The following ATP8A2 variants were observed in gnomAD, a reference collection of about 807,000 sequenced individuals.
ATP8A2 encodes the protein phospholipid-transporting ATPase IB.
Under a neutral mutation model 165.6 loss-of-function variants are expected in ATP8A2, and 100 were observed. That is an observed-to-expected ratio of 0.60 (90% CI 0.51 to 0.71). The LOEUF (loss-of-function observed/expected upper bound fraction) is 0.71, where lower values mean the gene tolerates loss of function less well. ATP8A2 is among the 30% of genes least tolerant of loss of function. The pLI is 0.00. For synonymous variants in ATP8A2, 543 were observed against 548.8 expected (o/e 0.99, Z 0.15); for missense variants, 1,227 against 1,479.5 (o/e 0.83, Z 2.80).
intron 24 of ATP8A2, among the ~76,000 whole-genome samples, chr13:25,638,909 T>C (rs1229456875): frequency 1.3e-5 from 2 of 152,168 alleles, no homozygotes; most frequent in African/African-American, 4.8e-5. Flanking sequence ...GCGGATCTCT[T>C]GGCAGAAACT....
Position 25,543,406 on chromosome 13 carries a change from A to G in ATP8A2, c.891+4A>G. On this transcript the variant is annotated splice_donor_region_variant and intron_variant, in intron 10 of 36. Transcript: ENST00000381655. Reference sequence around the variant, plus strand: ...ACACGACACCAAACTCATGCAGGTAAAACATTTCTATGCTGATTTCAGTCT... The same window carrying G: ...ACACGACACCAAACTCATGCAGGTAGAACATTTCTATGCTGATTTCAGTCT... 6.5e-7 allele frequency: 1 copy of G among 1,548,934 alleles called. No homozygotes were observed. Among genetic ancestry groups the G allele is most frequent in the Non-Finnish European group, 8.9e-7 (1 of 1,123,324 alleles).
intron 1 of ATP8A2, among the ~76,000 whole-genome samples, chr13:25,396,576 G>A (rs1188703785): frequency 6.6e-6 from 1 of 152,076 alleles, no homozygotes; most frequent in Non-Finnish European, 1.5e-5. Context: ...TTACCTCTAG[G>A]AACATGGCCT....
At chr13:25,656,854 A>G (rs1849335653) in intron 24 of ATP8A2, among the ~76,000 whole-genome samples, 1 of 151,638 alleles carries the variant, frequency 6.6e-6, no homozygotes, top group Non-Finnish European at 1.5e-5. Flanking sequence ...GGAGTTCAAA[A>G]CTAGCCTGGG....
At chr13:25,559,635 A>T in intron 14 of ATP8A2, 86 bp from the exon 15 acceptor site, 1 of 997,246 alleles carries the variant, frequency 1.0e-6, no homozygotes, top group Non-Finnish European at 1.6e-6. Flanking sequence ...TTGTATATCT[A>T]ATCTAAGAAT....
At position 25,408,186 on chromosome 13, in the gene ATP8A2, A is replaced by G. The variant is rs1298161990; in HGVS notation, c.76+35898A>G. ...AAGGCAGGCAGATGACGAGGTCAGG[A>G]GACCAAGACAATCCTGGCCAACGTG... On this transcript the variant is annotated intron_variant, in intron 1 of 36. Coordinates refer to ENST00000381655, the MANE Select transcript of ATP8A2 (RefSeq NM_016529.6). Among the ~76,000 whole-genome samples the G allele has an allele frequency of 5.9e-5, 9 of 152,136 alleles. No individual in the cohort carries two copies. The East Asian group carries it at 1.7e-3, about 29-fold the overall frequency.
At chr13:25,741,929 A>G (rs954047523) in intron 25 of ATP8A2, among the ~76,000 whole-genome samples, 4 of 152,186 alleles carry the variant, frequency 2.6e-5, no homozygotes, top group African/African-American at 9.6e-5. Context: ...TTCGTTGTAG[A>G]GTTTCAGGAG....
In ATP8A2 at chr13:25,465,667, C is replaced by CTTTCTTTCTT. The variant is rs1566152931; in HGVS notation, c.77-3308_77-3299dup. Among the ~76,000 whole-genome samples, 23 of 5,612 alleles carry CTTTCTTTCTT rather than the reference C, an allele frequency of 4.1e-3. 3 individuals carry two copies. The highest frequency in any genetic ancestry group is 0.011 in the African/African-American group (22 of 2,068). The allele number at this position is 5,612 out of a possible 152,430, so 3.7% of individuals were successfully genotyped here. A position where few individuals can be genotyped will look rare whatever the true frequency, so the allele number is the denominator to read the frequency against. Reference sequence around the variant, plus strand: ...CTCCCCAGAAATCTTGCAGAGTTTTCTTTCTTTCTTTCTTTCTTTCTTTCT... The same window carrying CTTTCTTTCTT: ...CTCCCCAGAAATCTTGCAGAGTTTTCTTTCTTTCTTTTTCTTTCTTTCTTTCTTTCTTTCT... On this transcript the variant is annotated intron_variant, in intron 1 of 36. Transcript: ENST00000381655.
chr13:25,933,106 CCAAAGTAATCCCCAAAGG>C (rs1251879203), intron 33 of ATP8A2, among the ~76,000 whole-genome samples: 1 of 152,222 alleles, frequency 6.6e-6, no homozygotes, highest in African/African-American at 2.4e-5. Flanking sequence ...CCTTGGCCTC[CCAAAGTAATCCCCAAAGG>C]GATTACAGGC....
chr13:25,661,826 G>A (rs969358625), intron 24 of ATP8A2, among the ~76,000 whole-genome samples: 1 of 152,110 alleles, frequency 6.6e-6, no homozygotes, highest in Non-Finnish European at 1.5e-5. Context: ...AATAAGCATC[G>A]GATTCAAACA....
chr13:25,478,317 G>A (rs979687202), intron 2 of ATP8A2, among the ~76,000 whole-genome samples: 3 of 152,066 alleles, frequency 2.0e-5, no homozygotes, highest in Non-Finnish European at 4.4e-5. Flanking sequence ...CTTCTGTGTC[G>A]TTATCCAGAA....
At chr13:25,767,272 G>C (rs2044511725) in intron 25 of ATP8A2, among the ~76,000 whole-genome samples, 1 of 152,218 alleles carries the variant, frequency 6.6e-6, no homozygotes, top group Non-Finnish European at 1.5e-5. Flanking sequence ...ATGTGGAGTT[G>C]ACTAGAGGCT....
intron 27 of ATP8A2, among the ~76,000 whole-genome samples, chr13:25,800,582 T>C (rs2138452040): frequency 6.6e-6 from 1 of 152,326 alleles, no homozygotes. Flanking sequence ...GGAGGCACTA[T>C]ATGAATTTCT....
At chr13:25,447,763 A>G (rs1196099268) in intron 1 of ATP8A2, among the ~76,000 whole-genome samples, 3 of 152,220 alleles carry the variant, frequency 2.0e-5, no homozygotes, top group African/African-American at 7.2e-5. Context: ...GAATCAGGTC[A>G]CATGGACTCG....
Position 25,678,743 on chromosome 13 carries a change from G to A in ATP8A2, c.2212-20430G>A, listed in dbSNP as rs114030667. On this transcript the variant is annotated intron_variant, in intron 24 of 36. Transcript: ENST00000381655. ...TTAGTCCTGGGGTTGAATTGTAGCT[G>A]TGCCACTCACTTGCTCCGTGACCTT... 4.7e-3 allele frequency among the ~76,000 whole-genome samples: 719 copies of A among 152,302 alleles called. 7 individuals carry two copies. The highest frequency in any genetic ancestry group is 0.017 in the African/African-American group (697 of 41,576).
chr13:25,979,695 C>T (rs919022521), intron 35 of ATP8A2, among the ~76,000 whole-genome samples: 8 of 152,184 alleles, frequency 5.3e-5, no homozygotes, highest in Admixed American at 4.6e-4. Flanking sequence ...CCAGGCCAGA[C>T]TCCGGCCTAG....
chr13:25,827,149 G>A (rs937737596), intron 27 of ATP8A2, among the ~76,000 whole-genome samples: 12 of 151,784 alleles, frequency 7.9e-5, no homozygotes, highest in African/African-American at 2.2e-4. Context: ...TGCTCTTGTC[G>A]CCCAGGCTGG....
intron 1 of ATP8A2, among the ~76,000 whole-genome samples, chr13:25,425,170 A>G (rs1297171882): frequency 6.6e-6 from 1 of 152,188 alleles, no homozygotes; most frequent in Non-Finnish European, 1.5e-5. Context: ...TCTGTGTGTA[A>G]GTCTCAGTAC....
intron 27 of ATP8A2, among the ~76,000 whole-genome samples, chr13:25,827,095 G>T (rs981878116): frequency 1.9e-4 from 29 of 151,760 alleles, no homozygotes; most frequent in African/African-American, 4.8e-4. Context: ...TGTTTTTTTT[G>T]TTTGTTTGTT....
At chr13:25,961,431 T>C (rs1485412271) in intron 33 of ATP8A2, 144 bp from the exon 34 acceptor site, 2 of 632,110 alleles carry the variant, frequency 3.2e-6, no homozygotes, top group African/African-American at 3.7e-5. Flanking sequence ...CCCCTGATGG[T>C]CCTGCCAGTG....
Sources: allele counts gnomAD v4.1 joint callset (sites outside exome capture counted in the v4.1 genomes callset), GRCh38; gene constraint gnomAD v4.1.1; transcripts MANE v1.5; gene names NCBI Gene and HGNC (gene_info 2026-07-23, HGNC 2026-07-21).